The following HOXA3 variants were observed in gnomAD, a reference collection of about 807,000 sequenced individuals.
The protein encoded by HOXA3 is homeobox protein Hox-A3.
In HOXA3, 8 loss-of-function variants were observed where a neutral mutation model predicts 30.3. The observed-to-expected ratio is 0.26, with a 90% CI of 0.15 to 0.48. The LOEUF is 0.48. HOXA3 is among the 20% of genes least tolerant of loss of function. The pLI, the probability that HOXA3 is intolerant of heterozygous loss-of-function variation, is 0.99. For missense variants in HOXA3, 653 were observed against 614.4 expected (o/e 1.06, Z -0.66); for synonymous variants, 323 against 273.1 (o/e 1.18, Z -1.80).
At chr7:27,151,996 C>T (rs1306006754) in intron 1 of HOXA3, among the ~76,000 whole-genome samples, 1 of 152,156 alleles carries the variant, frequency 6.6e-6, no homozygotes, top group Non-Finnish European at 1.5e-5. Context: ...CTGCCCTGTG[C>T]CTTGGCGCTG....
intron 1 of HOXA3, among the ~76,000 whole-genome samples, chr7:27,142,501 G>T (rs974181085): frequency 3.3e-5 from 5 of 152,186 alleles, no homozygotes; most frequent in South Asian, 2.1e-4. Context: ...GCCGCCTCCC[G>T]TTTCCAGCCT....
intron 1 of HOXA3, chr7:27,145,446 G>GGTTTGGTTTTGTTTT (rs1554341485): frequency 4.2e-5 from 14 of 331,030 alleles, no homozygotes; most frequent in South Asian, 2.8e-4. Flanking sequence ...CTGTGTGTGA[G>GGTTTGGTTTTGTTTT]GTTTTGTTTT....
chr7:27,125,343 G>A (rs912204879), intron 3 of HOXA3, among the ~76,000 whole-genome samples: 1 of 152,206 alleles, frequency 6.6e-6, no homozygotes, highest in African/African-American at 2.4e-5. Context: ...TTCAATCTGG[G>A]AATCTCTTTC....
chr7:27,138,423 T>G (rs1027782352), intron 2 of HOXA3, among the ~76,000 whole-genome samples: 4 of 152,266 alleles, frequency 2.6e-5, no homozygotes, highest in African/African-American at 9.6e-5. Flanking sequence ...TTTTTCACTT[T>G]AAGCACTTAA....
At chr7:27,140,484 A>G (rs1782527444) in intron 1 of HOXA3, 1 of 152,238 alleles carries the variant, frequency 6.6e-6, no homozygotes, top group African/African-American at 2.4e-5. Context: ...TAAATGTGCA[A>G]ATCTCTAGTT....
chr7:27,130,426 C>G, intron 2 of HOXA3: 1 of 1,186,572 alleles, frequency 8.4e-7, no homozygotes, highest in South Asian at 4.0e-5. Flanking sequence ...GCCGCGGTAG[C>G]CATAGGGGTA....
At chr7:27,109,795 A>G (rs926564276) in intron 5 of HOXA3, among the ~76,000 whole-genome samples, 7 of 152,236 alleles carry the variant, frequency 4.6e-5, no homozygotes, top group South Asian at 2.1e-4. Context: ...AAAGATAGAC[A>G]GTGGAGCTCA....
rs1206109036 is a variant in HOXA3 at position 27,113,703 on chromosome 7, CG to C, written c.-120-2944del. On this transcript the variant is annotated intron_variant, in intron 4 of 5. Transcript: ENST00000612286. This position sits in a 1 kb window ranked among gnomAD's most constrained non-coding sequence, Gnocchi z 4.8. ...CCCCGGCCTGGCTTGGCGGCCCGGC[CG>C]GGTCCCCTCGGCGCGGGATGGGCAC... is the stretch of plus-strand genomic sequence containing the variant. 6.6e-6 allele frequency: 1 copy of C among 152,356 alleles called. No individual in the cohort carries two copies. The highest frequency in any genetic ancestry group is 1.9e-4 in the East Asian group (1 of 5,154). 9.4% of individuals were successfully genotyped at this position (152,356 alleles called of 1,614,324 possible). A position where few individuals can be genotyped will look rare whatever the true frequency, so the allele number is the denominator to read the frequency against.
intron 2 of HOXA3, chr7:27,130,431 G>T (rs1296421250): frequency 7.2e-5 from 86 of 1,191,598 alleles, no homozygotes; most frequent in Non-Finnish European, 8.7e-5. Context: ...GGTAGCCATA[G>T]GGGTAGGCGG....
chr7:27,122,812 G>C (rs763068023), intron 3 of HOXA3, 170 bp from the exon 4 acceptor site: 3 of 152,204 alleles, frequency 2.0e-5, no homozygotes, highest in Non-Finnish European at 4.4e-5. Context: ...TGCTCGAAAT[G>C]TTCCAGTCTA....
intron 4 of HOXA3, among the ~76,000 whole-genome samples, chr7:27,117,210 G>C (rs993562967): frequency 3.9e-5 from 6 of 152,206 alleles, no homozygotes; most frequent in African/African-American, 1.4e-4. Flanking sequence ...TGGAGGCTCT[G>C]AAGCTGGAGA....
chr7:27,145,816 G>C (rs751072208), intron 1 of HOXA3: 1 of 1,614,270 alleles, frequency 6.2e-7, no homozygotes, highest in Non-Finnish European at 8.5e-7. Context: ...CGGCGGCGCC[G>C]TGTCAGGTAG....
At position 27,147,661 on chromosome 7, in the gene HOXA3, G is replaced by T. The variant is rs1337732963; in HGVS notation, c.-494+4627C>A. On this transcript the variant is annotated intron_variant, in intron 1 of 5. Transcript: ENST00000612286. ...GAAGGGCCTCAGCGCGTCATAGCCA[G>T]CCTGGTAGAGGGGCAGCTGGCCCAA... 6.2e-7 allele frequency: 1 copy of T among 1,614,180 alleles called. No individual in the cohort carries two copies. Among genetic ancestry groups the T allele is most frequent in the Non-Finnish European group, 8.5e-7 (1 of 1,180,050 alleles).
chr7:27,120,373 T>A (rs895716604), intron 4 of HOXA3, among the ~76,000 whole-genome samples: 1 of 151,982 alleles, frequency 6.6e-6, no homozygotes, highest in Non-Finnish European at 1.5e-5. Context: ...CAACCCCGTC[T>A]GTACTAAAAA....
intron 2 of HOXA3, among the ~76,000 whole-genome samples, chr7:27,130,981 C>T (rs1005075726): frequency 6.6e-6 from 1 of 152,032 alleles, no homozygotes; most frequent in Non-Finnish European, 1.5e-5. Flanking sequence ...AATGGGCGCA[C>T]CGCGCGCGCG....
intron 4 of HOXA3, among the ~76,000 whole-genome samples, chr7:27,119,246 A>G (rs1784892477): frequency 6.7e-6 from 1 of 149,128 alleles, no homozygotes; most frequent in African/African-American, 2.5e-5. Context: ...CTCCACAGGC[A>G]GGTCTGTCCA....
chr7:27,151,936 T>G (rs1172279255), intron 1 of HOXA3, among the ~76,000 whole-genome samples: 2 of 152,052 alleles, frequency 1.3e-5, no homozygotes, highest in Non-Finnish European at 2.9e-5. Flanking sequence ...CACTTCCTTT[T>G]GGGCTTCACG....
intron 1 of HOXA3, chr7:27,145,477 G>GTTTT (rs1236571044): frequency 2.6e-6 from 2 of 768,544 alleles, no homozygotes; most frequent in Non-Finnish European, 4.2e-6. Flanking sequence ...GTTTTGTTTT[G>GTTTT]TTTTGTTTTG....
At chr7:27,147,790 G>C (rs906884381) in intron 1 of HOXA3, 1 of 1,539,128 alleles carries the variant, frequency 6.5e-7, no homozygotes, top group Admixed American at 1.7e-5. Flanking sequence ...TTGTGTATTA[G>C]TACATCTGGC....
Sources: gnomAD v4.1 joint callset for allele counts (sites outside exome capture counted in the v4.1 genomes callset) on GRCh38, gnomAD v4.1.1 for gene constraint, Gnocchi (gnomAD v3.1) non-coding constraint, MANE v1.5 for transcripts, NCBI Gene and HGNC (gene_info 2026-07-23, HGNC 2026-07-21) for gene names.